NAV2: variants seen among roughly 807,000 people sequenced by gnomAD.
NAV2 encodes the protein neuron navigator 2.
A neutral mutation model predicts 223.2 loss-of-function variants in NAV2; 54 were observed. The ratio of observed to expected loss-of-function variants is 0.24; its 90% CI spans 0.19 to 0.30. NAV2 has a LOEUF of 0.30. Among genes scored for constraint, NAV2 ranks in the 10% least tolerant of loss-of-function variants. The pLI is 1.00. For synonymous variants in NAV2, 1,279 were observed against 1,239.3 expected (o/e 1.03, Z -0.67); for missense variants, 2,806 against 3,147.5 (o/e 0.89, Z 2.60).
intron 1 of NAV2, among the ~76,000 whole-genome samples, chr11:19,477,769 A>G (rs879793708): frequency 3.3e-5 from 5 of 152,326 alleles, no homozygotes; most frequent in Middle Eastern, 3.4e-3. Context: ...CAGTGAGGCT[A>G]GGATTATGAA....
chr11:19,583,336 G>A (rs1263233374), intron 1 of NAV2, among the ~76,000 whole-genome samples: 19 of 152,194 alleles, frequency 1.2e-4, no homozygotes, highest in Non-Finnish European at 7.3e-5. Flanking sequence ...GGGACAATAT[G>A]ACTTCCTCTT....
intron 1 of NAV2, among the ~76,000 whole-genome samples, chr11:19,629,459 C>T (rs2047279335): frequency 6.6e-6 from 1 of 151,876 alleles, no homozygotes; most frequent in Non-Finnish European, 1.5e-5. Context: ...ATGTCAGCGA[C>T]ATTTTTCTTA....
Position 19,912,891 on chromosome 11 carries a change from G to A in NAV2, c.932-20285G>A, listed in dbSNP as rs138466516. ...GTTACTAAAGGCAGGATTAAGGCAT[G>A]TAATCCGAGTTGTCCAGGGAAACCC... On this transcript the variant is annotated intron_variant, in intron 6 of 37. Transcript: ENST00000349880. Among the ~76,000 whole-genome samples, 490 of 152,358 alleles carry A rather than the reference G, an allele frequency of 3.2e-3. 3 individuals are homozygous for A. The highest frequency in any genetic ancestry group is 0.011 in the African/African-American group (461 of 41,584).
At chr11:19,510,137 G>T (rs545200587) in intron 1 of NAV2, among the ~76,000 whole-genome samples, 1 of 152,336 alleles carries the variant, frequency 6.6e-6, no homozygotes, top group South Asian at 2.1e-4. Context: ...AGAGGAGAAC[G>T]TGAGAGGAAG....
rs1166664847 is a variant in NAV2 at position 19,933,851 on chromosome 11, C to A, written c.1607C>A (p.Ser536Tyr). 6.1e-5 allele frequency: 98 copies of A among 1,605,840 alleles called. No individual in the cohort carries two copies. The highest frequency in any genetic ancestry group is 7.7e-5 in the Non-Finnish European group (91 of 1,177,518). Residue 536 changes from serine (S) to tyrosine (Y), a missense_variant, in exon 7 of 38, where the codon TCC becomes TAC. This residue lies in a region of NAV2 where 1,167 missense variants were observed against 1,180.5 expected (regional missense o/e 0.99). Transcript: ENST00000349880. The surrounding 1 kb of genome is among the most constrained non-coding windows in gnomAD (Gnocchi z 4.3). ...GCTGTGCCCGAGATGCCAAAAAAGT[C>A]CTCCAAGATTGCCAGCTTCATCCCC... Reference protein sequence around the residue: ...GAAVPEMPKKSSKIASFIPKG... With the variant: ...GAAVPEMPKKYSKIASFIPKG...
At chr11:19,498,111 C>T (rs1012843326) in intron 1 of NAV2, among the ~76,000 whole-genome samples, 1 of 152,220 alleles carries the variant, frequency 6.6e-6, no homozygotes, top group Non-Finnish European at 1.5e-5. Context: ...GCTCCAGACT[C>T]CAGGCTCTGA....
At chr11:19,801,503 G>A (rs1373328017) in intron 1 of NAV2, among the ~76,000 whole-genome samples, 4 of 152,154 alleles carry the variant, frequency 2.6e-5, no homozygotes, top group African/African-American at 7.2e-5. Context: ...TGAGGCTTAC[G>A]TCTGCCTGGA....
chr11:19,880,271 G>A, intron 5 of NAV2, 144 bp downstream of exon 5: 1 of 1,173,546 alleles, frequency 8.5e-7, no homozygotes, highest in Non-Finnish European at 1.2e-6. Flanking sequence ...AATTAGCATG[G>A]CCTTGAAATG....
At chr11:19,529,515 C>A (rs990986401) in intron 1 of NAV2, among the ~76,000 whole-genome samples, 1 of 152,066 alleles carries the variant, frequency 6.6e-6, no homozygotes, top group African/African-American at 2.4e-5. Flanking sequence ...TCTAACATGT[C>A]GCCTTTTTCT....
At chr11:19,521,979 G>T (rs2043672226) in intron 1 of NAV2, among the ~76,000 whole-genome samples, 1 of 152,176 alleles carries the variant, frequency 6.6e-6, no homozygotes, top group Non-Finnish European at 1.5e-5. Context: ...TAGGCAGATG[G>T]GTTTGGATCC....
At chr11:19,827,986 G>C (rs921182226) in intron 1 of NAV2, among the ~76,000 whole-genome samples, 15 of 141,824 alleles carry the variant, frequency 1.1e-4, no homozygotes, top group African/African-American at 3.3e-4. Context: ...GGTGGGGAGG[G>C]AATCAACAAT....
chr11:19,378,839 C>T (rs993139292), intron 1 of NAV2, among the ~76,000 whole-genome samples: 2 of 152,238 alleles, frequency 1.3e-5, no homozygotes, highest in African/African-American at 4.8e-5. Flanking sequence ...TGCACTGGCA[C>T]CCCGCTCTGA....
At chr11:19,935,527 G>A (rs951926135) in intron 7 of NAV2, among the ~76,000 whole-genome samples, 3 of 152,136 alleles carry the variant, frequency 2.0e-5, no homozygotes, top group Non-Finnish European at 4.4e-5. Flanking sequence ...CAAAGAATTC[G>A]ATATTCCCTC....
intron 10 of NAV2, among the ~76,000 whole-genome samples, chr11:19,968,862 C>A (rs1384344377): frequency 1.3e-5 from 2 of 152,154 alleles, no homozygotes; most frequent in Admixed American, 6.5e-5. Context: ...CTGTCTTTCC[C>A]CCCAGAGTGC....
chr11:19,629,795 C>T lies in NAV2; in HGVS notation c.76-202689C>T, dbSNP rs372956072. On this transcript the variant is annotated intron_variant, in intron 1 of 37. Coordinates refer to the NAV2 transcript ENST00000360655. Reference sequence around the variant, plus strand: ...ACCAATGTATTTACTAAATCACACCCTGCACTTTCCCGCCTCTCAACCTCT... The same window carrying T: ...ACCAATGTATTTACTAAATCACACCTTGCACTTTCCCGCCTCTCAACCTCT... Among the ~76,000 whole-genome samples, 5 of 152,190 alleles carry T rather than the reference C, an allele frequency of 3.3e-5. No individual in the cohort carries two copies. The East Asian group carries it at 5.8e-4, about 18-fold the overall frequency.
intron 6 of NAV2, among the ~76,000 whole-genome samples, chr11:19,897,863 C>G (rs554189851): frequency 8.0e-6 from 1 of 125,510 alleles, no homozygotes; most frequent in South Asian, 3.0e-4. Flanking sequence ...AGCAATGAGC[C>G]ACAGCTGTGC....
intron 1 of NAV2, among the ~76,000 whole-genome samples, chr11:19,530,179 G>A (rs2043984496): frequency 6.6e-6 from 1 of 152,148 alleles, no homozygotes; most frequent in Non-Finnish European, 1.5e-5. Context: ...CCAGCAAAGA[G>A]GCGGTGTGGG....
At chr11:19,649,866 C>T (rs945368950) in intron 1 of NAV2, among the ~76,000 whole-genome samples, 55 of 152,062 alleles carry the variant, frequency 3.6e-4, no homozygotes, top group African/African-American at 9.4e-4. Flanking sequence ...GCCAGGGAAA[C>T]GCAAAGAAAA....
intron 10 of NAV2, among the ~76,000 whole-genome samples, chr11:19,976,355 G>T (rs557693091): frequency 1.3e-5 from 2 of 152,096 alleles, no homozygotes; most frequent in African/African-American, 4.8e-5. Flanking sequence ...TGCAGACAGC[G>T]ACTCCCACGC....
Sources: gnomAD v4.1 joint callset for allele counts (sites outside exome capture counted in the v4.1 genomes callset) on GRCh38, gnomAD v4.1.1 for gene constraint, gnomAD v4.1.1 regional missense constraint, Gnocchi (gnomAD v3.1) non-coding constraint, MANE v1.5 for transcripts, NCBI Gene and HGNC (gene_info 2026-07-23, HGNC 2026-07-21) for gene names.